LHFPL6: variants seen among roughly 807,000 people sequenced by gnomAD.
LHFPL6 encodes the protein LHFPL tetraspan subfamily member 6.
A neutral mutation model predicts 20.6 loss-of-function variants in LHFPL6; 9 were observed. The ratio of observed to expected loss-of-function variants is 0.44; its 90% CI spans 0.26 to 0.76. The LOEUF (loss-of-function observed/expected upper bound fraction) is 0.76, where lower values mean the gene tolerates loss of function less well. Ranked by LOEUF, LHFPL6 falls within the 30% of genes least tolerant of loss-of-function variation. The pLI, the probability that LHFPL6 is intolerant of heterozygous loss-of-function variation, is 0.20. For synonymous variants in LHFPL6, 105 were observed against 98.7 expected (o/e 1.06, Z -0.38); for missense variants, 218 against 253.5 (o/e 0.86, Z 0.95).
intron 3 of LHFPL6, among the ~76,000 whole-genome samples, chr13:39,347,048 C>A (rs1869421691): frequency 7.0e-6 from 1 of 143,444 alleles, no homozygotes; most frequent in South Asian, 2.3e-4. Context: ...CCACTGCACT[C>A]CAGCCTGGAT....
At chr13:39,539,468 G>C (rs1397930252) in intron 2 of LHFPL6, among the ~76,000 whole-genome samples, 1 of 152,176 alleles carries the variant, frequency 6.6e-6, no homozygotes, top group Non-Finnish European at 1.5e-5. Context: ...ATAAGTGGAC[G>C]ATTGGGCCCT....
chr13:39,554,023 T>C (rs886829171), intron 2 of LHFPL6, among the ~76,000 whole-genome samples: 3 of 152,390 alleles, frequency 2.0e-5, no homozygotes, highest in Admixed American at 2.0e-4. Flanking sequence ...TGGCTTGTTA[T>C]ACCTTATGAA....
chr13:39,468,406 C>T (rs1007575272), intron 2 of LHFPL6, among the ~76,000 whole-genome samples: 1 of 151,938 alleles, frequency 6.6e-6, no homozygotes, highest in Admixed American at 6.6e-5. Flanking sequence ...TGGGTGTGGG[C>T]AGCAGGAACT....
chr13:39,358,932 G>A (rs1331954412), intron 3 of LHFPL6, among the ~76,000 whole-genome samples: 1 of 152,136 alleles, frequency 6.6e-6, no homozygotes, highest in Non-Finnish European at 1.5e-5. Flanking sequence ...TAGCACTTTG[G>A]GAGGCCGAGG....
chr13:39,372,161 G>GA (rs1177489672), intron 3 of LHFPL6, among the ~76,000 whole-genome samples: 2 of 152,088 alleles, frequency 1.3e-5, no homozygotes, highest in Non-Finnish European at 1.5e-5. Context: ...ATGGGCCCTG[G>GA]AAAACATCTT....
intron 2 of LHFPL6, among the ~76,000 whole-genome samples, chr13:39,392,686 C>T (rs1030744979): frequency 6.6e-6 from 1 of 152,086 alleles, no homozygotes; most frequent in African/African-American, 2.4e-5. Flanking sequence ...TACTCATTTT[C>T]AGCCTGATCT....
At chr13:39,497,195 T>C (rs771427106) in intron 2 of LHFPL6, among the ~76,000 whole-genome samples, 1 of 152,132 alleles carries the variant, frequency 6.6e-6, no homozygotes, top group Non-Finnish European at 1.5e-5. Context: ...ACTGAAGGCA[T>C]GATGTCAGGT....
chr13:39,571,738 G>T (rs371882871), intron 2 of LHFPL6, among the ~76,000 whole-genome samples: 14 of 152,348 alleles, frequency 9.2e-5, no homozygotes, highest in African/African-American at 3.4e-4. Flanking sequence ...ACCGCTGTCC[G>T]TGGACAGTGG....
intron 2 of LHFPL6, among the ~76,000 whole-genome samples, chr13:39,380,747 C>G (rs549648498): frequency 1.0e-3 from 158 of 152,200 alleles, no homozygotes; most frequent in African/African-American, 3.5e-3. Flanking sequence ...CCTGCTTCAG[C>G]CTCCTAAAGT....
intron 2 of LHFPL6, among the ~76,000 whole-genome samples, chr13:39,465,765 A>G (rs1872788423): frequency 6.6e-6 from 1 of 152,206 alleles, no homozygotes; most frequent in African/African-American, 2.4e-5. Flanking sequence ...CAGAGGTAGC[A>G]CATTATAAGG....
At chr13:39,484,633 A>G (rs1868655407) in intron 2 of LHFPL6, among the ~76,000 whole-genome samples, 1 of 152,162 alleles carries the variant, frequency 6.6e-6, no homozygotes, top group Non-Finnish European at 1.5e-5. Context: ...GAAATCCCTC[A>G]GGAAGGACCA....
chr13:39,495,779 ATTTTTT>A (rs10558170), intron 2 of LHFPL6, among the ~76,000 whole-genome samples: 3 of 89,554 alleles, frequency 3.3e-5, no homozygotes, highest in East Asian at 2.8e-4. Context: ...TAACTCAATA[ATTTTTT>A]TTTTTTTTTT....
chr13:39,353,209 C>T (rs898864407), intron 3 of LHFPL6, among the ~76,000 whole-genome samples: 1 of 151,062 alleles, frequency 6.6e-6, no homozygotes, highest in African/African-American at 2.4e-5. Flanking sequence ...TGGTCTCAAA[C>T]TCCTGACCTC....
At chr13:39,454,907 A>G (rs928838502) in intron 2 of LHFPL6, among the ~76,000 whole-genome samples, 2 of 152,240 alleles carry the variant, frequency 1.3e-5, no homozygotes, top group Non-Finnish European at 2.9e-5. Context: ...ATGCATCTGG[A>G]AAAATAAATG....
chr13:39,407,749 T>G (rs1871149212), intron 2 of LHFPL6, among the ~76,000 whole-genome samples: 1 of 152,246 alleles, frequency 6.6e-6, no homozygotes, highest in African/African-American at 2.4e-5. Context: ...ACACAGAACA[T>G]ATACCTTTGC....
At chr13:39,474,764 G>A (rs926938888) in intron 2 of LHFPL6, among the ~76,000 whole-genome samples, 8 of 151,878 alleles carry the variant, frequency 5.3e-5, no homozygotes, top group South Asian at 2.1e-4. Context: ...GGGAGCTCAC[G>A]GACCCATGGT....
intron 2 of LHFPL6, among the ~76,000 whole-genome samples, chr13:39,513,502 G>T (rs2138477641): frequency 1.3e-5 from 2 of 152,268 alleles, no homozygotes; most frequent in Middle Eastern, 6.8e-3. Context: ...TACAAAGATA[G>T]AAAGTTCAGA....
intron 2 of LHFPL6, among the ~76,000 whole-genome samples, chr13:39,577,258 C>T (rs1872144239): frequency 6.6e-6 from 1 of 152,148 alleles, no homozygotes; most frequent in African/African-American, 2.4e-5. Context: ...TCCTGGTCTT[C>T]CAGAGCACCC....
At chr13:39,498,524 T>C (rs759566637) in intron 2 of LHFPL6, among the ~76,000 whole-genome samples, 1 of 152,164 alleles carries the variant, frequency 6.6e-6, no homozygotes, top group Non-Finnish European at 1.5e-5. Flanking sequence ...TAATACAAAG[T>C]TTAAAATCAG....
Sources: gnomAD v4.1 joint callset for allele counts (sites outside exome capture counted in the v4.1 genomes callset) on GRCh38, gnomAD v4.1.1 for gene constraint, MANE v1.5 for transcripts, NCBI Gene and HGNC (gene_info 2026-07-23, HGNC 2026-07-21) for gene names.